ITPR1: variants seen among roughly 807,000 people sequenced by gnomAD.
The protein encoded by ITPR1 is inositol 1,4,5-trisphosphate receptor type 1.
ITPR1 carries 96 observed loss-of-function variants against 318.4 expected under a neutral mutation model. The ratio of observed to expected loss-of-function variants is 0.30; its 90% CI spans 0.26 to 0.36. ITPR1 has a LOEUF of 0.36. Ranked by LOEUF, ITPR1 falls within the 10% of genes least tolerant of loss-of-function variation. ITPR1 has a pLI of 1.00. For missense variants in ITPR1, 2,440 were observed against 3,460.2 expected, an observed-to-expected ratio of 0.71 and a Z score of 7.40; for synonymous variants, 1,312 against 1,289.9, an observed-to-expected ratio of 1.02 and a Z score of -0.37.
intron 2 of ITPR1, among the ~76,000 whole-genome samples, chr3:4,503,098 A>G (rs1464281942): frequency 6.6e-6 from 1 of 152,124 alleles, no homozygotes; most frequent in African/African-American, 2.4e-5. Flanking sequence ...AAAAAGAAAA[A>G]AAGAAAAGCC....
intron 33 of ITPR1, among the ~76,000 whole-genome samples, chr3:4,694,692 T>C (rs1007153186): frequency 6.6e-6 from 1 of 152,214 alleles, no homozygotes; most frequent in African/African-American, 2.4e-5. Context: ...ATTGTATTTG[T>C]GTATGTAAAC....
At chr3:4,693,896 A>AT (rs2094517636) in intron 33 of ITPR1, among the ~76,000 whole-genome samples, 155 bp downstream of exon 33, 1 of 152,126 alleles carries the variant, frequency 6.6e-6, no homozygotes, top group African/African-American at 2.4e-5. Flanking sequence ...TCCCTAAAAC[A>AT]TTTTCTCGAG....
intron 40 of ITPR1, among the ~76,000 whole-genome samples, chr3:4,723,240 C>T (rs1436834846): frequency 2.6e-5 from 4 of 152,170 alleles, no homozygotes; most frequent in African/African-American, 7.2e-5. Context: ...GTGACTGGCT[C>T]AGGGCCACAC....
In ITPR1 at chr3:4,693,537, C is replaced by G; in HGVS notation, c.4077C>G (p.Ala1359=). The change falls in exon 33 of 62, where the codon GCC becomes GCG. Residue 1359 remains alanine, a synonymous_variant. Transcript: ENST00000649015. ...EDVLVFYNDR[A]SFQTLIQMMR... ...TCCTCGTGTTCTACAACGACAGAGC[C>G]TCTTTCCAGACTCTGATCCAGATGA... The G allele has an allele frequency of 6.2e-7, 1 of 1,614,028 alleles. No homozygotes were observed. Among genetic ancestry groups the G allele is most frequent in the Non-Finnish European group, 8.5e-7 (1 of 1,179,896 alleles).
intron 4 of ITPR1, among the ~76,000 whole-genome samples, chr3:4,574,100 TAATC>T (rs1409484452): frequency 3.9e-5 from 6 of 152,216 alleles, no homozygotes; most frequent in Non-Finnish European, 5.9e-5. Flanking sequence ...GAAAATGCTG[TAATC>T]TGTCTACCAT....
At chr3:4,684,103 T>C (rs1316314226) in intron 28 of ITPR1, among the ~76,000 whole-genome samples, 178 bp from the exon 29 acceptor site, 3 of 152,234 alleles carry the variant, frequency 2.0e-5, no homozygotes, top group Non-Finnish European at 4.4e-5. Context: ...AGCCCACTAC[T>C]ATCCCTTCCC....
intron 60 of ITPR1, among the ~76,000 whole-genome samples, chr3:4,835,580 G>GTA (rs397942954): frequency 6.6e-6 from 1 of 152,058 alleles, no homozygotes; most frequent in Admixed American, 6.5e-5. Flanking sequence ...GTGTGTGTGT[G>GTA]GGAGGGGGCT....
At chr3:4,554,072 C>T (rs1428203153) in intron 4 of ITPR1, among the ~76,000 whole-genome samples, 1 of 152,196 alleles carries the variant, frequency 6.6e-6, no homozygotes, top group African/African-American at 2.4e-5. Flanking sequence ...TAAAAAGAAC[C>T]TTTATTGGTA....
chr3:4,668,746 G>A (rs749356947), intron 18 of ITPR1, among the ~76,000 whole-genome samples: 3 of 152,180 alleles, frequency 2.0e-5, no homozygotes, highest in Non-Finnish European at 4.4e-5. Flanking sequence ...GATTACAGGC[G>A]TGAGCCACCG....
chr3:4,556,765 G>T (rs1286699012), intron 4 of ITPR1, among the ~76,000 whole-genome samples: 1 of 152,140 alleles, frequency 6.6e-6, no homozygotes, highest in Non-Finnish European at 1.5e-5. Context: ...GAATAAAGCT[G>T]CTATAAACAT....
intron 4 of ITPR1, among the ~76,000 whole-genome samples, chr3:4,546,710 GTGA>G (rs2085044543): frequency 1.3e-5 from 2 of 151,076 alleles, no homozygotes; most frequent in Admixed American, 6.6e-5. Flanking sequence ...GAGGTGTAGG[GTGA>G]TGATTCAAAT....
At chr3:4,659,088 T>C (rs1230739878) in intron 13 of ITPR1, among the ~76,000 whole-genome samples, 1 of 152,142 alleles carries the variant, frequency 6.6e-6, no homozygotes, top group Admixed American at 6.5e-5. Flanking sequence ...TTAAGACACA[T>C]AGGGTTATTT....
At chr3:4,774,319 G>A (rs1269309103) in intron 46 of ITPR1, among the ~76,000 whole-genome samples, 6 of 152,202 alleles carry the variant, frequency 3.9e-5, no homozygotes, top group Non-Finnish European at 8.8e-5. Flanking sequence ...ACTGTCACAA[G>A]CAGTACTATA....
intron 4 of ITPR1, 21 bp downstream of exon 4, chr3:4,521,115 G>A: frequency 6.4e-7 from 1 of 1,572,544 alleles, no homozygotes; most frequent in Non-Finnish European, 8.8e-7. Flanking sequence ...GGCTTTCCTG[G>A]AGTAGTCACC....
chr3:4,632,857 T>G (rs947790340), intron 5 of ITPR1, among the ~76,000 whole-genome samples: 1 of 151,702 alleles, frequency 6.6e-6, no homozygotes, highest in Non-Finnish European at 1.5e-5. Context: ...TCATGCTGTT[T>G]ATGTTTTTAA....
intron 3 of ITPR1, among the ~76,000 whole-genome samples, chr3:4,518,387 T>A (rs1297637230): frequency 2.0e-5 from 3 of 152,214 alleles, no homozygotes; most frequent in African/African-American, 4.8e-5. Flanking sequence ...TAATGATGAG[T>A]CCCTCCTGCC....
At chr3:4,768,807 GCTGCCAAGGC>G (rs1559864416) in intron 46 of ITPR1, 43 bp downstream of exon 46, 1 of 1,572,918 alleles carries the variant, frequency 6.4e-7, no homozygotes, top group Non-Finnish European at 8.7e-7. Flanking sequence ...CTCGGGAAAG[GCTGCCAAGGC>G]CTGCCTTCCT....
At chr3:4,822,521 AT>A (rs1201874970) in intron 60 of ITPR1, among the ~76,000 whole-genome samples, 1 of 152,218 alleles carries the variant, frequency 6.6e-6, no homozygotes, top group Non-Finnish European at 1.5e-5. Flanking sequence ...TTGGTCACAG[AT>A]ACTTGTGAGT....
intron 56 of ITPR1, 179 bp from the exon 57 acceptor site, chr3:4,812,963 T>C: frequency 1.6e-6 from 1 of 613,072 alleles, no homozygotes; most frequent in Non-Finnish European, 2.9e-6. Flanking sequence ...TTTTGGCTTT[T>C]TTCCCATCCA....
Sources: gnomAD v4.1 joint callset for allele counts (sites outside exome capture counted in the v4.1 genomes callset) on GRCh38, gnomAD v4.1.1 for gene constraint, MANE v1.5 for transcripts, NCBI Gene and HGNC (gene_info 2026-07-23, HGNC 2026-07-21) for gene names.